The following ONECUT2 variants were observed in gnomAD, a reference collection of about 807,000 sequenced individuals.
The protein encoded by ONECUT2 is one cut homeobox 2, also known as one cut domain family member 2.
Under a neutral mutation model 27.9 loss-of-function variants are expected in ONECUT2, and 10 were observed. The observed-to-expected ratio is 0.36, with a 90% CI of 0.22 to 0.61. ONECUT2 has a LOEUF of 0.61. Among genes scored for constraint, ONECUT2 ranks in the 20% least tolerant of loss-of-function variants. The pLI, the probability that ONECUT2 is intolerant of heterozygous loss-of-function variation, is 0.73. For missense variants in ONECUT2, 686 were observed against 721.0 expected (o/e 0.95, Z 0.56); for synonymous variants, 334 against 315.1 (o/e 1.06, Z -0.64).
intron 1 of ONECUT2, among the ~76,000 whole-genome samples, chr18:57,468,698 G>T (rs1474382250): frequency 6.6e-6 from 1 of 152,152 alleles, no homozygotes; most frequent in Non-Finnish European, 1.5e-5. Flanking sequence ...TGCTCCCAGG[G>T]TCTCTGTGGC....
intron 1 of ONECUT2, among the ~76,000 whole-genome samples, chr18:57,467,471 T>C (rs1475775937): frequency 1.3e-5 from 2 of 152,172 alleles, no homozygotes; most frequent in African/African-American, 4.8e-5. Flanking sequence ...GTTGAAGTGA[T>C]TCTCCTGCCT....
intron 1 of ONECUT2, among the ~76,000 whole-genome samples, chr18:57,466,798 C>T (rs2050323672): frequency 6.6e-6 from 1 of 152,346 alleles, no homozygotes; most frequent in East Asian, 1.9e-4. Flanking sequence ...TAAAATCCTG[C>T]CTTTCTAGGA....
rs987163076 is a variant in ONECUT2 at position 57,453,473 on chromosome 18, G to A, written c.1228+16529G>A. On this transcript the variant is annotated intron_variant, in intron 1 of 1. Transcript: ENST00000491143. ...GAGAAATATTTTTGAGTTCCATCAG[G>A]CAGATAACTTTGTTTAGCTAGATTT... Among the ~76,000 whole-genome samples the A allele has an allele frequency of 1.2e-4, 18 of 150,530 alleles. No individual in the cohort carries two copies. The East Asian group carries it at 1.8e-3, about 15-fold the overall frequency.
In ONECUT2 at chr18:57,444,961, T is replaced by A. The variant is rs1277894706; in HGVS notation, c.1228+8017T>A. 2.6e-5 allele frequency among the ~76,000 whole-genome samples: 4 copies of A among 152,224 alleles called. No homozygotes were observed. In the East Asian group the frequency reaches 7.7e-4, roughly 29 times the overall value. Reference sequence around the variant, plus strand: ...AAATGTGTAATGACCCAGTTGGGGATGTTTTTCTCATTCTTCTAAAATGAC... The same window carrying A: ...AAATGTGTAATGACCCAGTTGGGGAAGTTTTTCTCATTCTTCTAAAATGAC... On this transcript the variant is annotated intron_variant, in intron 1 of 1. Coordinates refer to ENST00000491143, the MANE Select transcript of ONECUT2 (RefSeq NM_004852.3).
chr18:57,439,743 GCGGCTCGGCCGGACTCTCAGAC>G (rs763742561), intron 1 of ONECUT2, among the ~76,000 whole-genome samples: 14 of 152,214 alleles, frequency 9.2e-5, no homozygotes, highest in Non-Finnish European at 1.8e-4. Flanking sequence ...CGCTCCGCAG[GCGGCTCGGCCGGACTCTCAGAC>G]CGGTGCCTGG....
chr18:57,469,885 G>A (rs1480630453), intron 1 of ONECUT2, among the ~76,000 whole-genome samples: 2 of 152,212 alleles, frequency 1.3e-5, no homozygotes, highest in Admixed American at 6.5e-5. Flanking sequence ...AAGGCTCACA[G>A]TCCTGCAGCT....
rs927043554 is a variant in ONECUT2 at position 57,490,334 on chromosome 18, A to G, written c.*13611A>G. ...AGTCCTGGGTCTTTTCTCACTTTAG[A>G]CCCTGGCCTCAGATGTGTTTATTCT... On this transcript the variant is annotated 3_prime_UTR_variant, in exon 2 of 2. Transcript: ENST00000491143. 6.6e-6 allele frequency: 1 copy of G among 152,136 alleles called. No individual in the cohort carries two copies. Among genetic ancestry groups the G allele is most frequent in the Admixed American group, 6.5e-5 (1 of 15,274 alleles). The allele number at this position is 152,136 out of a possible 1,614,324, so 9.4% of individuals were successfully genotyped here.
chr18:57,472,314 G>A (rs189986334), intron 1 of ONECUT2, among the ~76,000 whole-genome samples: 13 of 152,156 alleles, frequency 8.5e-5, no homozygotes, highest in Non-Finnish European at 1.3e-4. Flanking sequence ...CACAGCCCGG[G>A]TCTGAGGATG....
chr18:57,465,486 T>C (rs983746062), intron 1 of ONECUT2, among the ~76,000 whole-genome samples: 2 of 152,248 alleles, frequency 1.3e-5, no homozygotes, highest in Non-Finnish European at 2.9e-5. Context: ...TACTACTTTT[T>C]CATTACATAT....
chr18:57,476,076 C>T (rs548421088), intron 1 of ONECUT2, among the ~76,000 whole-genome samples: 1 of 152,316 alleles, frequency 6.6e-6, no homozygotes, highest in East Asian at 1.9e-4. Context: ...CCTCACCAGG[C>T]TTCCCCCACC....
At position 57,483,917 on chromosome 18, in the gene ONECUT2, A is replaced by G. The variant is rs1014725541; in HGVS notation, c.*7194A>G. On this transcript the variant is annotated 3_prime_UTR_variant, in exon 2 of 2. Coordinates refer to ENST00000491143, the MANE Select transcript of ONECUT2 (RefSeq NM_004852.3). ...GTGCACTGTATAGTTTATATTTTTA[A>G]TTTAAAACAACAGAGAGCACTGCAG... is the stretch of plus-strand genomic sequence containing the variant. The G allele has an allele frequency of 6.6e-6, 1 of 152,564 alleles. No individual in the cohort carries two copies. The highest frequency in any genetic ancestry group is 2.4e-5 in the African/African-American group (1 of 41,412). 9.5% of individuals were successfully genotyped at this position (152,564 alleles called of 1,614,324 possible).
At position 57,481,421 on chromosome 18, in the gene ONECUT2, G is replaced by A. The variant is rs2050415476; in HGVS notation, c.*4698G>A. 1 of 152,118 alleles carries A rather than the reference G, an allele frequency of 6.6e-6. No homozygotes were observed. The highest frequency in any genetic ancestry group is 2.1e-4 in the South Asian group (1 of 4,832). 9.4% of individuals were successfully genotyped at this position (152,118 alleles called of 1,614,324 possible). ...TCAAGCTAAAATAAAATCAACATTTGGAATGTAAATCTGATACACACACAC... is the reference window on the plus strand; with the variant it reads ...TCAAGCTAAAATAAAATCAACATTTAGAATGTAAATCTGATACACACACAC... On this transcript the variant is annotated 3_prime_UTR_variant, in exon 2 of 2. Coordinates refer to ENST00000491143, the MANE Select transcript of ONECUT2 (RefSeq NM_004852.3).
chr18:57,462,723 CTTTTTTTT>C (rs57032206), intron 1 of ONECUT2, among the ~76,000 whole-genome samples: 1 of 68,998 alleles, frequency 1.4e-5, no homozygotes, highest in African/African-American at 5.9e-5. Flanking sequence ...TATTTTCTTT[CTTTTTTTT>C]TTTTTTTTTT....
intron 1 of ONECUT2, among the ~76,000 whole-genome samples, chr18:57,469,223 G>A (rs1055085681): frequency 6.6e-6 from 1 of 152,040 alleles, no homozygotes. Context: ...AGCCTTCCTA[G>A]GAGGGAAGCT....
chr18:57,460,453 C>A (rs2050284034), intron 1 of ONECUT2, among the ~76,000 whole-genome samples: 1 of 151,924 alleles, frequency 6.6e-6, no homozygotes, highest in African/African-American at 2.4e-5. Flanking sequence ...CATTCTGTTC[C>A]ATGGATCTAT....
intron 1 of ONECUT2, among the ~76,000 whole-genome samples, chr18:57,475,179 C>T (rs1200474046): frequency 2.0e-5 from 3 of 151,506 alleles, no homozygotes; most frequent in Admixed American, 6.6e-5. Flanking sequence ...GCCTCAGCAT[C>T]CCGAGTAGCT....
At chr18:57,466,177 C>G (rs2050320401) in intron 1 of ONECUT2, among the ~76,000 whole-genome samples, 1 of 152,150 alleles carries the variant, frequency 6.6e-6, no homozygotes, top group Non-Finnish European at 1.5e-5. Flanking sequence ...GGGGAGTACT[C>G]TGGCTCTTTC....
In ONECUT2 at chr18:57,477,914, G is replaced by A. The variant is rs1486491145; in HGVS notation, c.*1191G>A. ...TCAAACCTGCATACATGTTACTCAT[G>A]ACTGTCATCTAGTCCTAAATCTCTT... On this transcript the variant is annotated 3_prime_UTR_variant, in exon 2 of 2. Coordinates refer to ENST00000491143, the MANE Select transcript of ONECUT2 (RefSeq NM_004852.3). 6.6e-6 allele frequency: 1 copy of A among 152,578 alleles called. No homozygotes were observed. The highest frequency in any genetic ancestry group is 6.5e-5 in the Admixed American group (1 of 15,282). 9.5% of individuals were successfully genotyped at this position (152,578 alleles called of 1,614,324 possible). A position where few individuals can be genotyped will look rare whatever the true frequency, so the allele number is the denominator to read the frequency against.
Position 57,484,834 on chromosome 18 carries a change from T to C in ONECUT2, c.*8111T>C, listed in dbSNP as rs1373414023. 1 of 152,258 alleles carries C rather than the reference T, an allele frequency of 6.6e-6. No individual in the cohort carries two copies. The highest frequency in any genetic ancestry group is 1.5e-5 in the Non-Finnish European group (1 of 68,068). 9.4% of individuals were successfully genotyped at this position (152,258 alleles called of 1,614,324 possible). On this transcript the variant is annotated 3_prime_UTR_variant, in exon 2 of 2. Coordinates refer to ENST00000491143, the MANE Select transcript of ONECUT2 (RefSeq NM_004852.3). ...CCCCAGTGCTCCGCTTATTGTACAG[T>C]GCTACCTCTGCATGAGAGCGGTCCC...
Sources: gnomAD v4.1 joint callset for allele counts (sites outside exome capture counted in the v4.1 genomes callset) on GRCh38, gnomAD v4.1.1 for gene constraint, MANE v1.5 for transcripts, NCBI Gene and HGNC (gene_info 2026-07-23, HGNC 2026-07-21) for gene names.